The following WDR27 variants were observed in gnomAD, a reference collection of about 807,000 sequenced individuals.
WDR27 encodes WD repeat domain 27.
Under a neutral mutation model 114.4 loss-of-function variants are expected in WDR27, and 100 were observed. The ratio of observed to expected loss-of-function variants is 0.87; its 90% confidence interval spans 0.74 to 1.03. The LOEUF (loss-of-function observed/expected upper bound fraction) is 1.03, where lower values mean the gene tolerates loss of function less well. Among genes scored for constraint, WDR27 ranks in the 50% least tolerant of loss-of-function variants. The pLI is 0.00. For synonymous variants in WDR27, 449 were observed against 423.1 expected, an observed-to-expected ratio of 1.06 and a Z score of -0.75; for missense variants, 1,129 against 1,092.9, an observed-to-expected ratio of 1.03 and a Z score of -0.47.
chr6:169,512,786 G>A (rs986901421), intron 25 of WDR27, among the ~76,000 whole-genome samples: 2 of 152,114 alleles, frequency 1.3e-5, no homozygotes, highest in East Asian at 1.9e-4. Context: ...CATGTTTGAC[G>A]TTTCAAGAAA....
chr6:169,533,823 C>CTG (rs71008099), intron 25 of WDR27, among the ~76,000 whole-genome samples: 85,933 of 149,792 alleles, frequency 0.57, 26,125 homozygotes, highest in Non-Finnish European at 0.7. Context: ...GAAGGTAAGC[C>CTG]TGTGTGTGTG....
At chr6:169,444,882 C>T in the WDR27 span, among the ~76,000 whole-genome samples, 1 of 152,122 alleles carries the variant, frequency 6.6e-6, no homozygotes, top group Non-Finnish European at 1.5e-5. Context: ...CCAGAGGCTG[C>T]ACAGCCCTCT....
At chr6:169,465,278 A>AAAAG (rs1785426596) in intron 25 of WDR27, among the ~76,000 whole-genome samples, 1 of 148,530 alleles carries the variant, frequency 6.7e-6, no homozygotes, top group African/African-American at 2.5e-5. Flanking sequence ...AAAAAAAAAA[A>AAAAG]AAAGAAATAA....
At chr6:169,658,421 A>G (rs1045778940) in intron 12 of WDR27, 63 bp from the exon 13 acceptor site, 16 of 1,226,132 alleles carry the variant, frequency 1.3e-5, no homozygotes, top group Non-Finnish European at 1.9e-5. Flanking sequence ...GAAATGCCTC[A>G]GTGACACACA....
intron 8 of WDR27, among the ~76,000 whole-genome samples, chr6:169,663,083 G>A (rs201622217): frequency 4.7e-5 from 7 of 149,162 alleles, no homozygotes; most frequent in Non-Finnish European, 8.9e-5. Context: ...ATCACGCATC[G>A]AGGAAAGCAC....
Position 169,673,127 on chromosome 6 carries a change from A to G in WDR27, c.190-731T>C, listed in dbSNP as rs565067676. On this transcript the variant is annotated intron_variant, in intron 2 of 25. Transcript: ENST00000448612. ...ACTGAAGATTCCGTGACCAATGGAT[A>G]TGGAGGGATGGAGGGAAAAACAAAA... is the stretch of plus-strand genomic sequence containing the variant. Among the ~76,000 whole-genome samples, 25 of 152,290 alleles carry G rather than the reference A, an allele frequency of 1.6e-4. No individual in the cohort carries two copies. In the South Asian group the frequency reaches 5.2e-3, roughly 32 times the overall value.
rs77785853 is a variant in WDR27 at position 169,526,124 on chromosome 6, A to G, written c.2645+46295T>C. On this transcript the variant is annotated intron_variant, in intron 25 of 25. Transcript: ENST00000448612. ...ATGAGAAATCAATTAACGGGCACAA[A>G]TGTACCACTGGATAGAAGAACTAAG... 6.0e-3 allele frequency among the ~76,000 whole-genome samples: 913 copies of G among 152,316 alleles called. 3 individuals carry two copies. Among genetic ancestry groups the G allele is most frequent in the Non-Finnish European group, 9.2e-3 (628 of 68,030 alleles).
At chr6:169,554,517 T>C (rs908766540) in intron 25 of WDR27, among the ~76,000 whole-genome samples, 3 of 152,240 alleles carry the variant, frequency 2.0e-5, no homozygotes, top group African/African-American at 7.2e-5. Flanking sequence ...TAAAATAGCC[T>C]GAAGTATAAC....
intron 13 of WDR27, chr6:169,658,016 A>G: frequency 2.9e-6 from 1 of 344,070 alleles, no homozygotes; most frequent in Non-Finnish European, 5.6e-6. Flanking sequence ...AACAGGCACC[A>G]GAGGAACAGC....
chr6:169,556,107 GTC>G (rs1378285730), intron 25 of WDR27, among the ~76,000 whole-genome samples: 2 of 152,190 alleles, frequency 1.3e-5, no homozygotes, highest in African/African-American at 4.8e-5. Context: ...TCCTGCTGGA[GTC>G]TCTCTCGCTT....
chr6:169,473,851 A>G (rs1786770350), intron 25 of WDR27, among the ~76,000 whole-genome samples: 2 of 152,222 alleles, frequency 1.3e-5, no homozygotes, highest in South Asian at 2.1e-4. Flanking sequence ...AAAATGAGCA[A>G]GCAAAACAAA....
intron 23 of WDR27, among the ~76,000 whole-genome samples, chr6:169,601,422 C>A (rs1807954881): frequency 6.6e-6 from 1 of 152,126 alleles, no homozygotes; most frequent in African/African-American, 2.4e-5. Context: ...ACTAGAAATG[C>A]AACATTTTCT....
intron 24 of WDR27, among the ~76,000 whole-genome samples, chr6:169,575,733 A>G (rs1382714410): frequency 2.0e-5 from 3 of 152,216 alleles, no homozygotes; most frequent in African/African-American, 7.2e-5. Context: ...TGCACCATCT[A>G]ATAGATTTTC....
intron 25 of WDR27, among the ~76,000 whole-genome samples, chr6:169,471,216 A>C (rs1175211034): frequency 1.3e-5 from 2 of 151,976 alleles, no homozygotes; most frequent in African/African-American, 2.4e-5. Flanking sequence ...CTAAGAAATC[A>C]GCGTCAGGTC....
At chr6:169,481,558 C>A (rs1213685696) in intron 25 of WDR27, among the ~76,000 whole-genome samples, 1 of 152,222 alleles carries the variant, frequency 6.6e-6, no homozygotes, top group Non-Finnish European at 1.5e-5. Context: ...GCACTCACCG[C>A]AAAAGTCTGC....
Position 169,664,249 on chromosome 6 carries a change from C to T in WDR27, c.821G>A (p.Arg274His), listed in dbSNP as rs373953626. Residue 274 changes from arginine (R) to histidine (H), a missense_variant, in exon 8 of 26, where the codon CGT (arginine) becomes CAT (histidine). Physicochemically the swap from Arg to His is conservative, Grantham distance 29. Coordinates refer to ENST00000448612, the MANE Select transcript of WDR27 (RefSeq NM_182552.5). ...IFSLMDGHHY[R>H]RVARVDLRKK... The stretch of plus-strand genomic sequence containing the variant: ...CCTTAGGTCAACCCGTGCCACACGA[C>T]GATAATGGTGTCCATCCATCAAACT... The T allele has an allele frequency of 2.9e-5, 46 of 1,613,748 alleles. No homozygotes were observed. The African/African-American group carries it at 4.0e-4, about 14-fold the overall frequency.
chr6:169,670,300 GT>G, intron 4 of WDR27: 1 of 291,948 alleles, frequency 3.4e-6, no homozygotes, highest in Non-Finnish European at 6.2e-6. Context: ...AGAAATAATA[GT>G]TTTGCAGAAC....
intron 21 of WDR27, among the ~76,000 whole-genome samples, chr6:169,624,118 GGTCAGGTGTGTGGT>G (rs1562728819): frequency 3.0e-5 from 4 of 132,246 alleles, no homozygotes; most frequent in African/African-American, 6.1e-5. Context: ...CCGTGTGTGG[GGTCAGGTGTGTGGT>G]GTCAGGTGTG....
chr6:169,490,437 T>G (rs908747618), intron 25 of WDR27, among the ~76,000 whole-genome samples: 1 of 152,188 alleles, frequency 6.6e-6, no homozygotes, highest in African/African-American at 2.4e-5. Flanking sequence ...GCCAGGTGTG[T>G]GCGCAGAAGG....
Sources: allele counts gnomAD v4.1 joint callset (sites outside exome capture counted in the v4.1 genomes callset), GRCh38; gene constraint gnomAD v4.1.1; transcripts MANE v1.5; gene names NCBI Gene and HGNC (gene_info 2026-07-23, HGNC 2026-07-21).